Variants in UNC13C observed in about 807,000 individuals in gnomAD.
UNC13C encodes the protein protein unc-13 homolog C.
A neutral mutation model predicts 245.4 loss-of-function variants in UNC13C; 174 were observed. That is an observed-to-expected ratio of 0.71 (90% CI 0.63 to 0.80). UNC13C has a LOEUF of 0.80. Ranked by LOEUF, UNC13C falls within the 30% of genes least tolerant of loss-of-function variation. The probability of loss-of-function intolerance (pLI) is 0.00; values close to 1 mark genes in which losing one functional copy is unlikely to be tolerated. For synonymous variants in UNC13C, 992 were observed against 895.1 expected (o/e 1.11, Z -1.93); for missense variants, 2,829 against 2,602.9 (o/e 1.09, Z -1.89).
intron 28 of UNC13C, among the ~76,000 whole-genome samples, chr15:54,553,290 T>A (rs1896936837): frequency 8.6e-6 from 1 of 116,668 alleles, no homozygotes; most frequent in South Asian, 2.5e-4. Flanking sequence ...GAATATTATA[T>A]ATTGTATTCT....
intron 19 of UNC13C, chr15:54,416,795 T>C: frequency 2.4e-6 from 1 of 412,062 alleles, no homozygotes; most frequent in East Asian, 7.1e-5. Context: ...TCTTCTCTGC[T>C]GTTCCCTATA....
intron 10 of UNC13C, among the ~76,000 whole-genome samples, chr15:54,291,239 T>C (rs568721543): frequency 6.6e-6 from 1 of 152,164 alleles, no homozygotes; most frequent in East Asian, 1.9e-4. Flanking sequence ...GGGAGACAGC[T>C]GTGCTCTTAC....
chr15:54,072,564 A>T (rs11071027), intron 2 of UNC13C, among the ~76,000 whole-genome samples: 11 of 151,928 alleles, frequency 7.2e-5, no homozygotes, highest in Non-Finnish European at 1.6e-4. Context: ...AGATAACACA[A>T]GACCTTTTTA....
intron 4 of UNC13C, among the ~76,000 whole-genome samples, chr15:54,172,360 A>G (rs1232637749): frequency 6.6e-6 from 1 of 151,966 alleles, no homozygotes; most frequent in Non-Finnish European, 1.5e-5. Flanking sequence ...AAAATATACC[A>G]TGTACCCCAT....
At chr15:54,130,061 A>T (rs1393271802) in intron 2 of UNC13C, among the ~76,000 whole-genome samples, 2 of 147,032 alleles carry the variant, frequency 1.4e-5, no homozygotes, top group Non-Finnish European at 3.0e-5. Context: ...GATGTGTTTT[A>T]GTGCATTTAG....
intron 4 of UNC13C, among the ~76,000 whole-genome samples, chr15:54,231,125 A>C (rs1439980335): frequency 6.6e-6 from 1 of 152,066 alleles, no homozygotes; most frequent in African/African-American, 2.4e-5. Context: ...TATTTTGTAC[A>C]ATGAAACAGG....
intron 11 of UNC13C, among the ~76,000 whole-genome samples, chr15:54,296,606 A>G (rs188680275): frequency 3.6e-4 from 55 of 152,288 alleles, no homozygotes; most frequent in African/African-American, 1.2e-3. Flanking sequence ...GAAGGGAAGA[A>G]TCTTTGCAAC....
At chr15:54,066,187 T>A (rs1440908733) in intron 2 of UNC13C, among the ~76,000 whole-genome samples, 1 of 152,172 alleles carries the variant, frequency 6.6e-6, no homozygotes, top group Non-Finnish European at 1.5e-5. Flanking sequence ...TATGCATGGA[T>A]CATCTGAATT....
intron 17 of UNC13C, among the ~76,000 whole-genome samples, chr15:54,375,040 G>A (rs960839443): frequency 2.6e-5 from 4 of 152,180 alleles, no homozygotes; most frequent in African/African-American, 9.7e-5. Flanking sequence ...TATGGCTATG[G>A]TAAACCATGT....
chr15:54,587,843 G>C (rs1334164586), intron 30 of UNC13C, among the ~76,000 whole-genome samples: 1 of 152,146 alleles, frequency 6.6e-6, no homozygotes, highest in Non-Finnish European at 1.5e-5. Flanking sequence ...GTAAGATACT[G>C]ACATGTTCAA....
chr15:54,436,162 G>A (rs1437336204), intron 19 of UNC13C, among the ~76,000 whole-genome samples: 1 of 151,966 alleles, frequency 6.6e-6, no homozygotes, highest in Non-Finnish European at 1.5e-5. Flanking sequence ...CAACTATTAT[G>A]GAAGACAGTG....
At chr15:53,870,277 C>G in the UNC13C span, among the ~76,000 whole-genome samples, 37 of 152,298 alleles carry the variant, frequency 2.4e-4, no homozygotes, top group African/African-American at 8.4e-4. Context: ...TTTCTCCTCT[C>G]CTTTGAGAAG....
chr15:54,316,884 T>G (rs748236936), intron 13 of UNC13C, among the ~76,000 whole-genome samples: 2 of 151,932 alleles, frequency 1.3e-5, no homozygotes, highest in Non-Finnish European at 2.9e-5. Flanking sequence ...TGATTGCACT[T>G]TCTGCTGTAC....
intron 30 of UNC13C, among the ~76,000 whole-genome samples, chr15:54,619,145 C>A (rs951389986): frequency 1.2e-4 from 18 of 152,122 alleles, no homozygotes; most frequent in African/African-American, 3.9e-4. Flanking sequence ...ATCCTTTCAG[C>A]TTTTTATGTC....
At chr15:54,624,018 G>A in intron 32 of UNC13C, 64 bp downstream of exon 32, 1 of 1,585,924 alleles carries the variant, frequency 6.3e-7, no homozygotes, top group Non-Finnish European at 8.6e-7. Context: ...TGACCTTACT[G>A]AGGGATTTGG....
At chr15:54,098,848 G>A (rs930475071) in intron 2 of UNC13C, among the ~76,000 whole-genome samples, 12 of 152,110 alleles carry the variant, frequency 7.9e-5, no homozygotes, top group Admixed American at 5.9e-4. Context: ...AAATGTCAGC[G>A]AATCTCTAAA....
At chr15:54,172,741 T>G (rs1350808766) in intron 4 of UNC13C, among the ~76,000 whole-genome samples, 2 of 73,636 alleles carry the variant, frequency 2.7e-5, no homozygotes, top group African/African-American at 1.1e-4. Flanking sequence ...TATATATATA[T>G]ATATATATAT....
At chr15:53,872,201 G>A in the UNC13C span, among the ~76,000 whole-genome samples, 2 of 152,132 alleles carry the variant, frequency 1.3e-5, no homozygotes, top group Non-Finnish European at 2.9e-5. Context: ...TTCAGAGCAG[G>A]CAAGAATTTG....
chr15:54,496,906 A>G (rs994512613), intron 20 of UNC13C, among the ~76,000 whole-genome samples: 3 of 152,068 alleles, frequency 2.0e-5, no homozygotes, highest in African/African-American at 7.2e-5. Flanking sequence ...AATCTCAGAA[A>G]TCACCACTAA....
Sources: allele counts gnomAD v4.1 joint callset (sites outside exome capture counted in the v4.1 genomes callset), GRCh38; gene constraint gnomAD v4.1.1; transcripts MANE v1.5; gene names NCBI Gene and HGNC (gene_info 2026-07-23, HGNC 2026-07-21).